IGF1R: variants seen among roughly 807,000 people sequenced by gnomAD.
The protein encoded by IGF1R is insulin-like growth factor 1 receptor.
Under a neutral mutation model 144.6 loss-of-function variants are expected in IGF1R, and 44 were observed. The observed-to-expected ratio is 0.30, with a 90% confidence interval of 0.24 to 0.39. The LOEUF (loss-of-function observed/expected upper bound fraction) is 0.39. IGF1R is among the 10% of genes least tolerant of loss of function. The pLI, the probability that IGF1R is intolerant of heterozygous loss-of-function variation, is 1.00. For missense variants in IGF1R, 1,355 were observed against 1,833.7 expected (o/e 0.74, Z 4.77); for synonymous variants, 795 against 722.8 (o/e 1.10, Z -1.60).
In IGF1R at chr15:98,707,625, C is replaced by T. The variant is rs772608351; in HGVS notation, c.158C>T (p.Thr53Met). 1 of 1,614,166 alleles carries T rather than the reference C, an allele frequency of 6.2e-7. No individual in the cohort carries two copies. Among genetic ancestry groups the T allele is most frequent in the Admixed American group, 1.7e-5 (1 of 60,026 alleles). The change falls in exon 2 of 21, where the codon ACG (threonine) becomes ATG (methionine). Residue 53 changes from threonine to methionine, a missense_variant. Thr to Met is a moderately conservative substitution (Grantham distance 81). Coordinates refer to ENST00000650285, the MANE Select transcript of IGF1R (RefSeq NM_000875.5). The surrounding 1 kb of genome is among the most constrained non-coding windows in gnomAD (Gnocchi z 6.7). ...CAGCTGAAGCGCCTGGAGAACTGCA[C>T]GGTGATCGAGGGCTACCTCCACATC... ...YQQLKRLENC[T>M]VIEGYLHILL...
At chr15:98,758,395 T>A (rs951733689) in intron 2 of IGF1R, among the ~76,000 whole-genome samples, 1 of 151,988 alleles carries the variant, frequency 6.6e-6, no homozygotes, top group African/African-American at 2.4e-5. Context: ...TGGGTCATGG[T>A]TTTTCTTTGC....
intron 2 of IGF1R, among the ~76,000 whole-genome samples, chr15:98,807,623 G>GT (rs1391404044): frequency 2.0e-5 from 3 of 152,216 alleles, no homozygotes; most frequent in Non-Finnish European, 4.4e-5. Context: ...TTCACTCTCT[G>GT]TAAGATGGCA....
intron 2 of IGF1R, among the ~76,000 whole-genome samples, chr15:98,731,648 C>T (rs1169032520): frequency 2.0e-5 from 3 of 152,168 alleles, no homozygotes; most frequent in Non-Finnish European, 4.4e-5. Context: ...GTCGTGTGGA[C>T]ACGTGAGAGG....
chr15:98,920,740 G>C (rs1204483480), intron 10 of IGF1R, among the ~76,000 whole-genome samples: 1 of 152,116 alleles, frequency 6.6e-6, no homozygotes, highest in African/African-American at 2.4e-5. Context: ...CTGCTTGTTG[G>C]AACGAGCATA....
intron 1 of IGF1R, among the ~76,000 whole-genome samples, chr15:98,650,282 TGCCCCTCGG>T (rs1359109184): frequency 5.9e-5 from 9 of 152,192 alleles, no homozygotes; most frequent in Admixed American, 2.6e-4. Context: ...AACGTGCTTT[TGCCCCTCGG>T]GCTCCTCGGG....
intron 2 of IGF1R, among the ~76,000 whole-genome samples, chr15:98,720,889 A>G (rs930089762): frequency 6.6e-6 from 1 of 152,202 alleles, no homozygotes; most frequent in Admixed American, 6.5e-5. Context: ...GAGCAGCCCG[A>G]TAGCCAAGCA....
At chr15:98,669,129 G>A (rs1334450133) in intron 1 of IGF1R, among the ~76,000 whole-genome samples, 1 of 152,174 alleles carries the variant, frequency 6.6e-6, no homozygotes. Context: ...TTCATCCTGT[G>A]AGCAGTTTAG....
intron 2 of IGF1R, among the ~76,000 whole-genome samples, chr15:98,887,408 T>C (rs947777903): frequency 2.9e-5 from 4 of 139,084 alleles, no homozygotes; most frequent in Non-Finnish European, 4.6e-5. Flanking sequence ...GAGGGACATT[T>C]TTCTGTTCTT....
In IGF1R at chr15:98,670,732, T is replaced by C. The variant is rs753910517; in HGVS notation, c.94+21057T>C. On this transcript the variant is annotated intron_variant, in intron 1 of 20. Transcript: ENST00000650285. ...TTTGACTACATTTGATTATGGCAGATTTACTTAGAAGGGCACTGGAAAAAA... is the reference window on the plus strand; with the variant it reads ...TTTGACTACATTTGATTATGGCAGACTTACTTAGAAGGGCACTGGAAAAAA... Among the ~76,000 whole-genome samples the C allele has an allele frequency of 2.4e-4, 37 of 152,180 alleles. 1 individual carries two copies. Among genetic ancestry groups the C allele is most frequent in the Non-Finnish European group, 8.8e-5 (6 of 68,036 alleles).
Position 98,957,207 on chromosome 15 carries a change from C to T in IGF1R, c.3869C>T (p.Pro1290Leu), listed in dbSNP as rs760362276. Reference protein sequence around the residue: ...YYSEENKLPEPEELDLEPENM... With the variant: ...YYSEENKLPELEELDLEPENM... ...AGCGAGGAGAACAAGCTGCCCGAGC[C>T]GGAGGAGCTGGACCTGGAGCCAGAG... Residue 1290 changes from proline to leucine, a missense_variant, in exon 21 of 21, where the codon CCG becomes CTG. Pro to Leu is a moderately conservative substitution (Grantham distance 98, BLOSUM62 -3). Around this residue, in one of 7 missense-constraint regions of IGF1R, gnomAD observed 219 missense variants for 188.8 expected, o/e 1.16. Coordinates refer to ENST00000650285, the MANE Select transcript of IGF1R (RefSeq NM_000875.5). The T allele has an allele frequency of 4.6e-5, 74 of 1,614,086 alleles. No homozygotes were observed. Among genetic ancestry groups the T allele is most frequent in the Middle Eastern group, 1.6e-4 (1 of 6,084 alleles).
intron 2 of IGF1R, among the ~76,000 whole-genome samples, chr15:98,879,579 T>A (rs533435422): frequency 6.6e-6 from 1 of 152,304 alleles, no homozygotes; most frequent in African/African-American, 2.4e-5. Flanking sequence ...TATCAAAGAA[T>A]GGCACAATTT....
intron 1 of IGF1R, among the ~76,000 whole-genome samples, chr15:98,669,925 G>A (rs1380567919): frequency 6.6e-6 from 1 of 152,146 alleles, no homozygotes; most frequent in Admixed American, 6.6e-5. Flanking sequence ...CGGCTACAGT[G>A]GGCGGCAGAG....
intron 18 of IGF1R, among the ~76,000 whole-genome samples, chr15:98,941,483 A>G (rs1455451088): frequency 6.6e-6 from 1 of 152,122 alleles, no homozygotes; most frequent in African/African-American, 2.4e-5. Context: ...TGGAATTTCA[A>G]GTTTTTCATT....
chr15:98,710,434 G>A (rs957436140), intron 2 of IGF1R, among the ~76,000 whole-genome samples: 1 of 151,998 alleles, frequency 6.6e-6, no homozygotes, highest in African/African-American at 2.4e-5. Context: ...TGTGGTAGCC[G>A]CTTATTGAGT....
intron 4 of IGF1R, chr15:98,897,609 C>T (rs1188725132): frequency 6.5e-6 from 1 of 152,888 alleles, no homozygotes; most frequent in Non-Finnish European, 1.5e-5. Context: ...CAGGGTCTCA[C>T]TGTATCACCC....
intron 1 of IGF1R, among the ~76,000 whole-genome samples, chr15:98,656,698 T>C (rs1296199609): frequency 2.0e-5 from 3 of 152,198 alleles, no homozygotes; most frequent in Non-Finnish European, 1.5e-5. Context: ...GAAACTTTGT[T>C]TTATCTCACT....
At chr15:98,746,776 G>T (rs1423385656) in intron 2 of IGF1R, among the ~76,000 whole-genome samples, 3 of 152,176 alleles carry the variant, frequency 2.0e-5, no homozygotes, top group East Asian at 3.9e-4. Flanking sequence ...TTTAATTTGA[G>T]AGTTGAGGCC....
intron 2 of IGF1R, among the ~76,000 whole-genome samples, chr15:98,855,059 T>G (rs552014603): frequency 2.0e-5 from 3 of 152,302 alleles, no homozygotes; most frequent in Admixed American, 6.5e-5. Context: ...CGCATCCCAC[T>G]GTACTATTTC....
chr15:98,686,448 G>T (rs1278697415), intron 1 of IGF1R, among the ~76,000 whole-genome samples: 2 of 152,182 alleles, frequency 1.3e-5, no homozygotes, highest in Admixed American at 6.5e-5. Flanking sequence ...GGAATTGCTG[G>T]ATCATATGGC....
Sources: gnomAD v4.1 joint callset for allele counts (sites outside exome capture counted in the v4.1 genomes callset) on GRCh38, gnomAD v4.1.1 for gene constraint, gnomAD v4.1.1 regional missense constraint, Gnocchi (gnomAD v3.1) non-coding constraint, MANE v1.5 for transcripts, NCBI Gene and HGNC (gene_info 2026-07-23, HGNC 2026-07-21) for gene names.